Variants in CFAP144 observed in about 807,000 individuals in gnomAD.
CFAP144 encodes the protein cilia- and flagella-associated protein 144.
the CFAP144 span, among the ~76,000 whole-genome samples, chr1:43,149,471 T>C: frequency 1.3e-5 from 2 of 152,250 alleles, no homozygotes; most frequent in Admixed American, 6.5e-5. Context: ...CTGTGCCTAA[T>C]ATGTAAAGTC....
chr1:43,156,154 G>T, the CFAP144 span: 2 of 1,525,562 alleles, frequency 1.3e-6, no homozygotes, highest in Non-Finnish European at 1.8e-6. Flanking sequence ...CCAAACCCAG[G>T]TCCTCCTGCA....
the CFAP144 span, among the ~76,000 whole-genome samples, chr1:43,149,947 A>G: frequency 6.6e-6 from 1 of 152,118 alleles, no homozygotes; most frequent in East Asian, 1.9e-4. Context: ...AGCTCACTCC[A>G]CTGGAGCCAC....
At chr1:43,152,793 C>A in the CFAP144 span, 2 of 1,564,802 alleles carry the variant, frequency 1.3e-6, no homozygotes, top group Non-Finnish European at 1.7e-6. Flanking sequence ...GGTCCCAAAG[C>A]CTGACTCCTT....
the CFAP144 span, chr1:43,150,924 C>A: frequency 3.2e-6 from 3 of 924,308 alleles, no homozygotes; most frequent in Non-Finnish European, 5.1e-6. Context: ...CATCAGAGTC[C>A]TCTGCTTTGA....
the CFAP144 span, among the ~76,000 whole-genome samples, chr1:43,144,635 C>A: frequency 6.6e-6 from 1 of 152,258 alleles, no homozygotes; most frequent in Non-Finnish European, 1.5e-5. Flanking sequence ...TCTGTTACCC[C>A]TCTCCGAATA....
the CFAP144 span, among the ~76,000 whole-genome samples, chr1:43,154,145 T>C: frequency 1.4e-5 from 2 of 143,048 alleles, no homozygotes; most frequent in African/African-American, 5.0e-5. Flanking sequence ...TTTTTATATA[T>C]ATATTCTCTC....
chr1:43,143,821 G>C, the CFAP144 span, among the ~76,000 whole-genome samples: 1 of 152,216 alleles, frequency 6.6e-6, no homozygotes, highest in African/African-American at 2.4e-5. Context: ...CAGAGACGCA[G>C]GAGGAGGCAA....
At chr1:43,156,206 A>G in the CFAP144 span, 1,493 of 1,613,608 alleles carry the variant, frequency 9.3e-4, 1 homozygote, top group Non-Finnish European at 1.2e-3. Context: ...TCCTTTCTAG[A>G]TCAACCCAGA....
At chr1:43,152,625 C>T in the CFAP144 span, 1 of 505,658 alleles carries the variant, frequency 2.0e-6, no homozygotes, top group South Asian at 4.2e-5. Context: ...CGCCCGGAAG[C>T]ATGTCTGGCA....
the CFAP144 span, chr1:43,156,190 G>C: frequency 6.2e-7 from 1 of 1,610,768 alleles, no homozygotes. Context: ...TTCTGATTCT[G>C]CATCCTCCTT....
At chr1:43,145,723 T>A in the CFAP144 span, among the ~76,000 whole-genome samples, 1 of 152,146 alleles carries the variant, frequency 6.6e-6, no homozygotes, top group East Asian at 1.9e-4. Context: ...CCAAAAGATA[T>A]TTTTAGGGAA....
chr1:43,156,097 C>G, the CFAP144 span: 82 of 861,686 alleles, frequency 9.5e-5, 1 homozygote, highest in South Asian at 1.3e-4. Flanking sequence ...CGCAATGCAG[C>G]CACAGGCTGG....
chr1:43,143,852 C>T, the CFAP144 span, among the ~76,000 whole-genome samples: 1 of 145,274 alleles, frequency 6.9e-6, no homozygotes, highest in African/African-American at 2.7e-5. Context: ...CTGCGCTTTG[C>T]GCCATTCTGT....
the CFAP144 span, among the ~76,000 whole-genome samples, chr1:43,149,716 A>G: frequency 5.3e-5 from 8 of 152,258 alleles, no homozygotes; most frequent in Non-Finnish European, 1.0e-4. Flanking sequence ...AGCCATTGGA[A>G]TAAAGTGAGA....
the CFAP144 span, among the ~76,000 whole-genome samples, chr1:43,150,444 G>T: frequency 1.3e-5 from 2 of 152,292 alleles, no homozygotes; most frequent in South Asian, 2.1e-4. Flanking sequence ...GCCATTAACC[G>T]CCTGCAGCTA....
the CFAP144 span, among the ~76,000 whole-genome samples, chr1:43,154,412 ACG>A: frequency 4.4e-4 from 38 of 86,424 alleles, no homozygotes; most frequent in African/African-American, 6.0e-3. Context: ...ATACATATAT[ACG>A]CACATATACA....
the CFAP144 span, among the ~76,000 whole-genome samples, chr1:43,152,214 C>T: frequency 1.1e-4 from 17 of 152,188 alleles, no homozygotes; most frequent in Admixed American, 6.5e-5. Context: ...AACTATGGAG[C>T]TGCAAATCCA....
the CFAP144 span, among the ~76,000 whole-genome samples, chr1:43,154,994 T>C: frequency 6.6e-6 from 1 of 152,212 alleles, no homozygotes; most frequent in Non-Finnish European, 1.5e-5. Flanking sequence ...CCCAATCAGA[T>C]ATCAAGGGTG....
At chr1:43,146,207 G>A in the CFAP144 span, among the ~76,000 whole-genome samples, 1 of 152,168 alleles carries the variant, frequency 6.6e-6, no homozygotes, top group Admixed American at 6.5e-5. Flanking sequence ...ATCTGCACTG[G>A]ATTTTAAACA....
Sources: allele counts gnomAD v4.1 joint callset (sites outside exome capture counted in the v4.1 genomes callset), GRCh38; gene constraint gnomAD v4.1.1; transcripts MANE v1.5; gene names NCBI Gene and HGNC (gene_info 2026-07-23, HGNC 2026-07-21).